ARHGEF12: variants seen among roughly 807,000 people sequenced by gnomAD.
ARHGEF12 encodes Rho guanine nucleotide exchange factor 12.
Under a neutral mutation model 211.2 loss-of-function variants are expected in ARHGEF12, and 66 were observed. The ratio of observed to expected loss-of-function variants is 0.31; its 90% CI spans 0.26 to 0.38. ARHGEF12 has a LOEUF of 0.38. Among genes scored for constraint, ARHGEF12 ranks in the 10% least tolerant of loss-of-function variants. The pLI is 1.00. For synonymous variants in ARHGEF12, 592 were observed against 638.4 expected (o/e 0.93, Z 1.09); for missense variants, 1,429 against 1,869.5 (o/e 0.76, Z 4.34).
chr11:120,432,019 C>T (rs1308601561), intron 11 of ARHGEF12, 108 bp downstream of exon 11: 7 of 1,071,328 alleles, frequency 6.5e-6, no homozygotes, highest in Non-Finnish European at 8.7e-6. Context: ...GCACTTTTTA[C>T]CATCCCCATT....
intron 25 of ARHGEF12, 115 bp downstream of exon 25, chr11:120,458,349 C>T (rs981349233): frequency 9.8e-6 from 12 of 1,218,430 alleles, no homozygotes; most frequent in Non-Finnish European, 1.4e-5. Context: ...TTGTTTTAAA[C>T]AAAGAGGAAA....
chr11:120,446,989 T>G lies in ARHGEF12; in HGVS notation c.1493T>G (p.Leu498Arg). ...GGACTGACCTTGGCTGAAAGCGAGC[T>G]GACTAAACTTGATGCAGAGCGAGAC... The part of the protein sequence containing the change: ...SMGLTLAESE[L>R]TKLDAERDKD... Residue 498 changes from leucine to arginine, a missense_variant, in exon 18 of 41, where the codon CTG becomes CGG. By Grantham distance (102) the Leu-to-Arg change is moderately radical (BLOSUM62 -2). Around this residue, in one of 7 missense-constraint regions of ARHGEF12, gnomAD observed 373 missense variants for 467.5 expected, o/e 0.80. Coordinates refer to ENST00000397843, the MANE Select transcript of ARHGEF12 (RefSeq NM_015313.3). 1 of 1,614,176 alleles carries G rather than the reference T, an allele frequency of 6.2e-7. No homozygotes were observed. Among genetic ancestry groups the G allele is most frequent in the Non-Finnish European group, 8.5e-7 (1 of 1,180,018 alleles).
intron 5 of ARHGEF12, 125 bp downstream of exon 5, chr11:120,420,976 A>G (rs993398386): frequency 4.6e-5 from 36 of 786,418 alleles, no homozygotes; most frequent in Non-Finnish European, 7.0e-5. Flanking sequence ...CTATTGTGCT[A>G]GATTCGTCTA....
chr11:120,357,639 G>A (rs1233980491), intron 1 of ARHGEF12, among the ~76,000 whole-genome samples: 1 of 152,174 alleles, frequency 6.6e-6, no homozygotes, highest in East Asian at 1.9e-4. Context: ...GCATGATCTT[G>A]CCTCATTGCA....
At chr11:120,461,514 C>T in intron 27 of ARHGEF12, among the ~76,000 whole-genome samples, 1 of 152,016 alleles carries the variant, frequency 6.6e-6, no homozygotes, top group East Asian at 1.9e-4. Context: ...CTTAAGGGTC[C>T]CAGGAATTTC....
chr11:120,349,178 G>A (rs1246318449), intron 1 of ARHGEF12, among the ~76,000 whole-genome samples: 2 of 152,182 alleles, frequency 1.3e-5, no homozygotes, highest in Admixed American at 6.5e-5. Context: ...GAATTCTTGA[G>A]ACAGTGTATA....
chr11:120,467,355 A>G (rs1330575700), intron 29 of ARHGEF12, 47 bp downstream of exon 29: 2 of 1,156,832 alleles, frequency 1.7e-6, no homozygotes, highest in Non-Finnish European at 2.6e-6. Context: ...AACAACAACG[A>G]AACACCCAAT....
intron 22 of ARHGEF12, 43 bp from the exon 23 acceptor site, chr11:120,457,074 TA>T (rs775643059): frequency 7.6e-6 from 12 of 1,588,474 alleles, no homozygotes; most frequent in Non-Finnish European, 1.0e-5. Flanking sequence ...CCAGTGACTT[TA>T]TTAAGTATTA....
At chr11:120,412,997 T>A (rs538759190) in intron 4 of ARHGEF12, among the ~76,000 whole-genome samples, 2 of 152,344 alleles carry the variant, frequency 1.3e-5, no homozygotes, top group East Asian at 3.9e-4. Context: ...TTACTTTTAT[T>A]TCAGTTTCAC....
intron 1 of ARHGEF12, among the ~76,000 whole-genome samples, chr11:120,369,113 T>C (rs1236238577): frequency 6.6e-6 from 1 of 150,992 alleles, no homozygotes; most frequent in African/African-American, 2.4e-5. Context: ...TATTCTCAAA[T>C]CTTCTTTTCT....
intron 22 of ARHGEF12, among the ~76,000 whole-genome samples, chr11:120,452,701 T>C (rs938077933): frequency 1.3e-5 from 2 of 152,128 alleles, no homozygotes; most frequent in Non-Finnish European, 1.5e-5. Context: ...CAAGAGATTA[T>C]ACAGGAAGAC....
At chr11:120,421,248 A>C (rs1272941607) in intron 5 of ARHGEF12, among the ~76,000 whole-genome samples, 1 of 152,288 alleles carries the variant, frequency 6.6e-6, no homozygotes, top group East Asian at 1.9e-4. Context: ...TACTGCTGTT[A>C]CCATATATTG....
chr11:120,476,722 G>T lies in ARHGEF12; in HGVS notation c.3339G>T (p.Val1113=), dbSNP rs1286244059. ...SDNGAQIYEL[V]AQTVSEKTVW... Reference sequence around the variant, plus strand: ...ATGGCGCTCAGATTTATGAACTGGTGGCACAGACAGTTTCTGAAAAGACTG... The same window carrying T: ...ATGGCGCTCAGATTTATGAACTGGTTGCACAGACAGTTTCTGAAAAGACTG... The change falls in exon 34 of 41, where the codon GTG becomes GTT. Residue 1113 remains valine (V), a synonymous_variant. Coordinates refer to ENST00000397843, the MANE Select transcript of ARHGEF12 (RefSeq NM_015313.3). The T allele has an allele frequency of 6.2e-7, 1 of 1,612,600 alleles. No homozygotes were observed. Among genetic ancestry groups the T allele is most frequent in the African/African-American group, 1.3e-5 (1 of 74,858 alleles).
At chr11:120,454,055 G>A (rs1456669860) in intron 22 of ARHGEF12, among the ~76,000 whole-genome samples, 4 of 151,936 alleles carry the variant, frequency 2.6e-5, no homozygotes, top group African/African-American at 4.8e-5. Context: ...AAGTCCCTCC[G>A]CAGTATTGAT....
At chr11:120,393,038 G>A (rs1591536268) in intron 1 of ARHGEF12, among the ~76,000 whole-genome samples, 1 of 152,268 alleles carries the variant, frequency 6.6e-6, no homozygotes, top group Non-Finnish European at 1.5e-5. Flanking sequence ...GGTTTCTGGG[G>A]TAACTTATAT....
intron 3 of ARHGEF12, 191 bp from the exon 4 acceptor site, chr11:120,409,203 A>T: frequency 1.8e-6 from 1 of 544,108 alleles, no homozygotes; most frequent in Non-Finnish European, 3.3e-6. Context: ...CTTTTCTTCG[A>T]TAAATCTTTA....
At chr11:120,431,108 G>A (rs1945514608) in intron 10 of ARHGEF12, among the ~76,000 whole-genome samples, 1 of 151,904 alleles carries the variant, frequency 6.6e-6, no homozygotes. Context: ...TGGCCAACAT[G>A]GTGAAACTCC....
chr11:120,443,493 T>C (rs1358668445), intron 15 of ARHGEF12, among the ~76,000 whole-genome samples: 1 of 152,204 alleles, frequency 6.6e-6, no homozygotes, highest in African/African-American at 2.4e-5. Context: ...ATTTTCCCTT[T>C]CTAAAAACAA....
rs980414245 is a variant in ARHGEF12, at chr11:120,429,343, C to G, written c.586-97C>G. The G allele has an allele frequency of 8.5e-6, 8 of 944,170 alleles. No homozygotes were observed. The African/African-American group carries it at 1.3e-4, about 16-fold the overall frequency. The allele number at this position is 944,170 out of a possible 1,614,324, so 58.5% of individuals were successfully genotyped here. On this transcript the variant is annotated intron_variant, in intron 8 of 40. Transcript: ENST00000397843. ...ACCTAATAGGTATTGATAATTGGAG[C>G]CGAGGCAGAACTTTGTATGCCACAT...
Sources: gnomAD v4.1 joint callset for allele counts (sites outside exome capture counted in the v4.1 genomes callset) on GRCh38, gnomAD v4.1.1 for gene constraint, gnomAD v4.1.1 regional missense constraint, MANE v1.5 for transcripts, NCBI Gene and HGNC (gene_info 2026-07-23, HGNC 2026-07-21) for gene names.